The following NFATC2 variants were observed in gnomAD, a reference collection of about 807,000 sequenced individuals.
NFATC2 encodes nuclear factor of activated T cells 2.
A neutral mutation model predicts 87.3 loss-of-function variants in NFATC2; 22 were observed. The ratio of observed to expected loss-of-function variants is 0.25; its 90% confidence interval spans 0.18 to 0.36. The LOEUF (loss-of-function observed/expected upper bound fraction) is 0.36, where lower values mean the gene tolerates loss of function less well. Among genes scored for constraint, NFATC2 ranks in the 10% least tolerant of loss-of-function variants. The pLI, the probability that NFATC2 is intolerant of heterozygous loss-of-function variation, is 1.00. For synonymous variants in NFATC2, 565 were observed against 542.2 expected, an observed-to-expected ratio of 1.04 and a Z score of -0.58; for missense variants, 1,149 against 1,259.1, an observed-to-expected ratio of 0.91 and a Z score of 1.32.
intron 9 of NFATC2, among the ~76,000 whole-genome samples, chr20:51,424,072 G>A (rs564356270): frequency 7.9e-5 from 12 of 152,140 alleles, no homozygotes; most frequent in Non-Finnish European, 1.8e-4. Flanking sequence ...AGAGGGAAAC[G>A]AGAGATGCCC....
At chr20:51,488,542 G>A (rs942726490) in intron 3 of NFATC2, among the ~76,000 whole-genome samples, 10 of 152,304 alleles carry the variant, frequency 6.6e-5, no homozygotes, top group African/African-American at 1.9e-4. Flanking sequence ...CCTGGGACAC[G>A]AAATCACTCC....
intron 3 of NFATC2, among the ~76,000 whole-genome samples, chr20:51,507,253 T>A (rs936724257): frequency 6.6e-6 from 1 of 152,138 alleles, no homozygotes; most frequent in Admixed American, 6.5e-5. Flanking sequence ...TCACCCCTCG[T>A]CGAACAGGAA....
Position 51,516,909 on chromosome 20 carries a change from T to G in NFATC2, c.1207A>C (p.Ser403Arg). Reference protein sequence around the residue: ...SLPPLEWPLSSQSGSYELRIE... With the variant: ...SLPPLEWPLSRQSGSYELRIE... ...CGCAGCTCGTAAGAGCCTGACTGAC[T>G]GGACAGCGGCCACTCAAGTGGAGGG... The change falls in exon 3 of 11, where the codon AGT becomes CGT. Residue 403 changes from serine (S) to arginine (R), a missense_variant. Physicochemically the swap from Ser to Arg is moderately radical, Grantham distance 110 (BLOSUM62 -1). Transcript: ENST00000371564. The G allele has an allele frequency of 1.2e-6, 2 of 1,614,136 alleles. No homozygotes were observed.
chr20:51,427,171 G>C (rs1246014595), intron 9 of NFATC2, among the ~76,000 whole-genome samples: 1 of 152,106 alleles, frequency 6.6e-6, no homozygotes, highest in African/African-American at 2.4e-5. Flanking sequence ...GCTGTAGTAA[G>C]CTCTCTACTT....
intron 5 of NFATC2, among the ~76,000 whole-genome samples, chr20:51,473,222 A>G (rs1988399595): frequency 1.3e-5 from 2 of 152,132 alleles, no homozygotes; most frequent in Non-Finnish European, 2.9e-5. Flanking sequence ...TATCCTCTCC[A>G]GACCGTAAGC....
intron 10 of NFATC2, 101 bp from the exon 11 acceptor site, chr20:51,391,552 T>C (rs887085341): frequency 4.2e-5 from 53 of 1,258,316 alleles, no homozygotes; most frequent in African/African-American, 7.5e-5. Flanking sequence ...TATTGGGCTA[T>C]TGATTTTTGA....
chr20:51,396,085 TATATATATAA>T (rs1987083713), intron 10 of NFATC2, among the ~76,000 whole-genome samples: 1 of 111,046 alleles, frequency 9.0e-6, no homozygotes, highest in African/African-American at 3.5e-5. Context: ...TATATATATA[TATATATATAA>T]GCTAATGGCA....
Position 51,493,914 on chromosome 20 carries a change from C to T in NFATC2, c.1333-18254G>A, listed in dbSNP as rs553639059. Among the ~76,000 whole-genome samples, 25 of 152,264 alleles carry T rather than the reference C, an allele frequency of 1.6e-4. No homozygotes were observed. The South Asian group carries it at 3.9e-3, about 24-fold the overall frequency. On this transcript the variant is annotated intron_variant, in intron 3 of 10. Transcript: ENST00000371564. ...TCAGATCCGAGACTGGTTGGGGCTG[C>T]GGAAAGCTGGCCACACCTCTGAGCC...
chr20:51,556,269 T>G (rs75037267), intron 1 of NFATC2, among the ~76,000 whole-genome samples: 2,122 of 152,266 alleles, frequency 0.014, 17 homozygotes, highest in Non-Finnish European at 0.023. Context: ...AGAATAAATA[T>G]GTATTGTTTA....
chr20:51,491,572 G>C (rs1333424293), intron 3 of NFATC2, among the ~76,000 whole-genome samples: 5 of 152,140 alleles, frequency 3.3e-5, no homozygotes, highest in Non-Finnish European at 5.9e-5. Flanking sequence ...ATGGAGCTGG[G>C]AGGAGAAGTG....
chr20:51,510,399 T>C (rs1383840427), intron 3 of NFATC2, among the ~76,000 whole-genome samples: 1 of 152,186 alleles, frequency 6.6e-6, no homozygotes, highest in Non-Finnish European at 1.5e-5. Flanking sequence ...TCTGAATGGA[T>C]GTTTTGTCCA....
At chr20:51,462,433 G>T (rs140511571) in intron 5 of NFATC2, among the ~76,000 whole-genome samples, 1,860 of 152,256 alleles carry the variant, frequency 0.012, 20 homozygotes, top group Non-Finnish European at 0.021. Flanking sequence ...ATGACAGAGC[G>T]AGACTCTGTC....
chr20:51,549,320 T>C (rs2076914240), intron 1 of NFATC2, among the ~76,000 whole-genome samples: 2 of 152,268 alleles, frequency 1.3e-5, no homozygotes, highest in Admixed American at 1.3e-4. Flanking sequence ...TTGCCCAGGC[T>C]GGAGTGCAAC....
intron 1 of NFATC2, among the ~76,000 whole-genome samples, chr20:51,536,140 C>G (rs1306715434): frequency 6.6e-6 from 1 of 152,176 alleles, no homozygotes; most frequent in East Asian, 1.9e-4. Context: ...CAGGAGTTTT[C>G]CAATGAGTAT....
In NFATC2 at chr20:51,389,555, A is replaced by T. The variant is rs1205882280; in HGVS notation, c.*1941T>A. The T allele has an allele frequency of 6.6e-6, 1 of 152,208 alleles. No individual in the cohort carries two copies. Among genetic ancestry groups the T allele is most frequent in the East Asian group, 1.9e-4 (1 of 5,200 alleles). 9.4% of individuals were successfully genotyped at this position (152,208 alleles called of 1,614,324 possible). A position where few individuals can be genotyped will look rare whatever the true frequency, so the allele number is the denominator to read the frequency against. ...TCCCAGAAGTTCCATGGTAGGGGTC[A>T]ACCTCTTACTGGCATTCTGTTTATT... On this transcript the variant is annotated 3_prime_UTR_variant, in exon 11 of 11. Transcript: ENST00000371564.
Position 51,523,033 on chromosome 20 carries a change from C to A in NFATC2, c.1160+48G>T, listed in dbSNP as rs774012552. 6.2e-7 allele frequency: 1 copy of A among 1,608,374 alleles called. No homozygotes were observed. The highest frequency in any genetic ancestry group is 1.1e-5 in the South Asian group (1 of 90,726). On this transcript the variant is annotated intron_variant, in intron 2 of 10. Coordinates refer to ENST00000371564, the MANE Select transcript of NFATC2 (RefSeq NM_012340.5). The surrounding 1 kb of genome is among the most constrained non-coding windows in gnomAD (Gnocchi z 6.9). ...CCCATGCTCATAACCAGAAAACCATCTCTTAAAACTAAACCACAGAATCAA... is the reference window on the plus strand; with the variant it reads ...CCCATGCTCATAACCAGAAAACCATATCTTAAAACTAAACCACAGAATCAA...
chr20:51,433,371 T>G (rs1282945639), intron 8 of NFATC2, among the ~76,000 whole-genome samples: 1 of 152,184 alleles, frequency 6.6e-6, no homozygotes, highest in Non-Finnish European at 1.5e-5. Context: ...GAATAAGCAC[T>G]ACTGTCTCAA....
chr20:51,430,843 C>T (rs1982599719), intron 9 of NFATC2, among the ~76,000 whole-genome samples: 1 of 152,200 alleles, frequency 6.6e-6, no homozygotes, highest in Admixed American at 6.5e-5. Context: ...TTACTTCCTA[C>T]CCCTTGGCTG....
At chr20:51,484,564 A>G (rs988357080) in intron 3 of NFATC2, among the ~76,000 whole-genome samples, 12 of 152,234 alleles carry the variant, frequency 7.9e-5, no homozygotes, top group African/African-American at 2.9e-4. Context: ...AGAGTCTGTG[A>G]CATCATGGGA....
Sources: gnomAD v4.1 joint callset for allele counts (sites outside exome capture counted in the v4.1 genomes callset) on GRCh38, gnomAD v4.1.1 for gene constraint, Gnocchi (gnomAD v3.1) non-coding constraint, MANE v1.5 for transcripts, NCBI Gene and HGNC (gene_info 2026-07-23, HGNC 2026-07-21) for gene names.